GRM1: variants seen among roughly 807,000 people sequenced by gnomAD.
GRM1 encodes the protein glutamate metabotropic receptor 1.
GRM1 carries 33 observed loss-of-function variants against 90.9 expected under a neutral mutation model. The ratio of observed to expected loss-of-function variants is 0.36; its 90% CI spans 0.28 to 0.49. GRM1 has a LOEUF of 0.49. Among genes scored for constraint, GRM1 ranks in the 20% least tolerant of loss-of-function variants. The pLI is 0.99. For missense variants in GRM1, 1,190 were observed against 1,534.3 expected, an observed-to-expected ratio of 0.78 and a Z score of 3.75; for synonymous variants, 700 against 613.2, an observed-to-expected ratio of 1.14 and a Z score of -2.09.
At chr6:146,335,141 A>T (rs1235470895) in intron 3 of GRM1, among the ~76,000 whole-genome samples, 1 of 152,218 alleles carries the variant, frequency 6.6e-6, no homozygotes, top group African/African-American at 2.4e-5. Context: ...CTGACATCTT[A>T]CAAATGAAAT....
At chr6:146,069,578 G>A (rs533247385) in intron 1 of GRM1, among the ~76,000 whole-genome samples, 2 of 152,180 alleles carry the variant, frequency 1.3e-5, no homozygotes, top group Admixed American at 6.5e-5. Context: ...GTTGGTACCC[G>A]ATCCATAAAA....
At chr6:146,133,586 A>C (rs1040099339) in intron 1 of GRM1, among the ~76,000 whole-genome samples, 1 of 152,148 alleles carries the variant, frequency 6.6e-6, no homozygotes, top group Non-Finnish European at 1.5e-5. Flanking sequence ...TTTCCCTCTC[A>C]GGAGTCCTCT....
chr6:146,046,198 T>C (rs370262162), intron 1 of GRM1, among the ~76,000 whole-genome samples: 62 of 152,180 alleles, frequency 4.1e-4, no homozygotes, highest in African/African-American at 1.4e-3. Flanking sequence ...TACATACAAT[T>C]AGCTGCATTA....
intron 5 of GRM1, among the ~76,000 whole-genome samples, chr6:146,361,356 C>T (rs1426485130): frequency 6.6e-6 from 1 of 152,172 alleles, no homozygotes; most frequent in African/African-American, 2.4e-5. Context: ...GACACAAGTA[C>T]AGCCAAAGAG....
At chr6:146,253,767 G>T (rs926288191) in intron 2 of GRM1, among the ~76,000 whole-genome samples, 2 of 152,086 alleles carry the variant, frequency 1.3e-5, no homozygotes, top group Non-Finnish European at 2.9e-5. Flanking sequence ...ACTATTCACT[G>T]ACAAATCTTC....
chr6:146,165,337 G>A (rs1045401905), intron 2 of GRM1, among the ~76,000 whole-genome samples: 1 of 151,968 alleles, frequency 6.6e-6, no homozygotes, highest in South Asian at 2.1e-4. Context: ...ATACCACGGT[G>A]TTATGTTTCA....
chr6:146,132,679 C>A (rs1776454650), intron 1 of GRM1, among the ~76,000 whole-genome samples: 2 of 152,174 alleles, frequency 1.3e-5, no homozygotes, highest in Admixed American at 1.3e-4. Context: ...ACCTTATTTC[C>A]TAATCCTTCA....
chr6:146,102,767 T>C (rs1777093049), intron 1 of GRM1, among the ~76,000 whole-genome samples: 1 of 152,236 alleles, frequency 6.6e-6, no homozygotes, highest in Non-Finnish European at 1.5e-5. Flanking sequence ...CAGAGTATCA[T>C]ACAAGTACTC....
intron 2 of GRM1, among the ~76,000 whole-genome samples, chr6:146,252,753 C>T (rs1354265783): frequency 2.0e-5 from 3 of 152,054 alleles, no homozygotes; most frequent in Non-Finnish European, 2.9e-5. Context: ...ATTTAGAATA[C>T]CTTAAGTTTA....
rs1777070702 is a variant in GRM1, at chr6:146,399,217, C to A, written c.2178C>A (p.Ile726=). 2 of 1,613,910 alleles carry A rather than the reference C, an allele frequency of 1.2e-6. No homozygotes were observed. The highest frequency in any genetic ancestry group is 2.7e-5 in the African/African-American group (2 of 74,910). ...TAACCCTGGTGGTAACCCTGATCAT[C>A]ATGGAACCCCCTATGCCCATTCTGT... ...VQLTLVVTLI[I]MEPPMPILSY... is the part of the protein sequence containing the mutation. Residue 726 remains isoleucine (I), a synonymous_variant, in exon 7 of 8, where the codon ATC becomes ATA. Coordinates refer to ENST00000282753, the MANE Select transcript of GRM1 (RefSeq NM_001278064.2). This position sits in a 1 kb window ranked among gnomAD's most constrained non-coding sequence, Gnocchi z 5.4.
At chr6:146,143,422 A>G (rs1217021595) in intron 1 of GRM1, among the ~76,000 whole-genome samples, 1 of 152,184 alleles carries the variant, frequency 6.6e-6, no homozygotes, top group Non-Finnish European at 1.5e-5. Context: ...GGATAGGAGA[A>G]CAGCTGGATC....
intron 1 of GRM1, among the ~76,000 whole-genome samples, chr6:146,125,574 A>C (rs1776167904): frequency 2.0e-5 from 3 of 151,894 alleles, no homozygotes; most frequent in Admixed American, 2.0e-4. Flanking sequence ...CTTAGACTTA[A>C]GGTATAAATT....
chr6:146,138,731 T>C (rs1776722000), intron 1 of GRM1, among the ~76,000 whole-genome samples: 1 of 152,080 alleles, frequency 6.6e-6, no homozygotes, highest in South Asian at 2.1e-4. Flanking sequence ...TATCTGCTTT[T>C]TTTTAGTATG....
chr6:146,257,106 T>G (rs1216330052), intron 2 of GRM1, among the ~76,000 whole-genome samples: 1 of 152,226 alleles, frequency 6.6e-6, no homozygotes, highest in African/African-American at 2.4e-5. Context: ...TATCATCTTT[T>G]CAGTAAAGGC....
chr6:146,258,387 T>G (rs975754131), intron 2 of GRM1, among the ~76,000 whole-genome samples: 5 of 152,222 alleles, frequency 3.3e-5, no homozygotes, highest in African/African-American at 7.2e-5. Flanking sequence ...GGTTTTTTCC[T>G]GGCACTTTGC....
intron 2 of GRM1, among the ~76,000 whole-genome samples, chr6:146,187,334 T>C (rs990648489): frequency 6.6e-6 from 1 of 152,150 alleles, no homozygotes; most frequent in South Asian, 2.1e-4. Context: ...AAATGAAGAC[T>C]GCATCAAGAA....
At chr6:146,187,269 A>G (rs1778766829) in intron 2 of GRM1, among the ~76,000 whole-genome samples, 2 of 152,198 alleles carry the variant, frequency 1.3e-5, no homozygotes, top group African/African-American at 4.8e-5. Flanking sequence ...AAATATTTAT[A>G]TAACCATATA....
intron 2 of GRM1, among the ~76,000 whole-genome samples, chr6:146,268,258 C>T (rs1479112989): frequency 6.6e-6 from 1 of 152,168 alleles, no homozygotes; most frequent in Non-Finnish European, 1.5e-5. Context: ...AGCCCCCGAC[C>T]TACAGTAACT....
chr6:146,421,095 G>A, intron 7 of GRM1, among the ~76,000 whole-genome samples: 1 of 152,038 alleles, frequency 6.6e-6, no homozygotes, highest in Non-Finnish European at 1.5e-5. Context: ...TGTAAATTGT[G>A]CAAGAACTTT....
Sources: gnomAD v4.1 joint callset for allele counts (sites outside exome capture counted in the v4.1 genomes callset) on GRCh38, gnomAD v4.1.1 for gene constraint, Gnocchi (gnomAD v3.1) non-coding constraint, MANE v1.5 for transcripts, NCBI Gene and HGNC (gene_info 2026-07-23, HGNC 2026-07-21) for gene names.